Variants in KIF13A observed in about 807,000 individuals in gnomAD.
KIF13A encodes the protein kinesin family member 13A, also known as kinesin-like protein KIF13A.
In KIF13A, 79 loss-of-function variants were observed where a neutral mutation model predicts 212.2. The ratio of observed to expected loss-of-function variants is 0.37; its 90% CI spans 0.31 to 0.45. KIF13A has a LOEUF of 0.45. Among genes scored for constraint, KIF13A ranks in the 20% least tolerant of loss-of-function variants. The pLI is 1.00. For synonymous variants in KIF13A, 789 were observed against 808.6 expected (o/e 0.98, Z 0.41); for missense variants, 1,901 against 2,209.0 (o/e 0.86, Z 2.79).
chr6:17,955,944 T>C (rs1412080534), intron 2 of KIF13A, among the ~76,000 whole-genome samples: 1 of 152,248 alleles, frequency 6.6e-6, no homozygotes, highest in Non-Finnish European at 1.5e-5. Flanking sequence ...ACTGTTATTC[T>C]TGTATACAGG....
At position 17,868,989 on chromosome 6, in the gene KIF13A, CAAAAAAAA is replaced by C. The variant is rs71002278; in HGVS notation, c.220+4380_220+4387del. 9.6e-4 allele frequency among the ~76,000 whole-genome samples: 20 copies of C among 20,916 alleles called. No individual in the cohort carries two copies. In the South Asian group the frequency reaches 0.018, roughly 19 times the overall value. The allele number at this position is 20,916 out of a possible 152,430, so 13.7% of individuals were successfully genotyped here. On this transcript the variant is annotated intron_variant, in intron 4 of 38. Coordinates refer to ENST00000259711, the MANE Select transcript of KIF13A (RefSeq NM_022113.6). Reference sequence around the variant, plus strand: ...TGGGCGACAGAGGGAGACTCCCTCTCAAAAAAAAAAAAAAAAAAAAAAAAAAAAAAACA... The same window carrying C: ...TGGGCGACAGAGGGAGACTCCCTCTCAAAAAAAAAAAAAAAAAAAAAAACA...
rs58260092 is a variant in KIF13A, at chr6:17,816,169, T to C, written c.2000+851A>G. 0.042 allele frequency among the ~76,000 whole-genome samples: 6,407 copies of C among 151,982 alleles called. 341 individuals carry two copies. The highest frequency in any genetic ancestry group is 0.12 in the African/African-American group (5,001 of 41,408). On this transcript the variant is annotated intron_variant, in intron 17 of 38. Coordinates refer to ENST00000259711, the MANE Select transcript of KIF13A (RefSeq NM_022113.6). This position sits in a 1 kb window ranked among gnomAD's most constrained non-coding sequence, Gnocchi z 4.3. The stretch of plus-strand genomic sequence containing the variant: ...CCTGACCTCAGGCGATCCGCTGCCT[T>C]GGCCTCCCAAAGTGCTGGGATTACA...
chr6:17,789,959 C>T lies in KIF13A; in HGVS notation c.3223-49G>A, dbSNP rs6906924. The T allele has an allele frequency of 8.7e-3, 12,632 of 1,448,316 alleles. 916 individuals are homozygous for T. In the African/African-American group the frequency reaches 0.15, roughly 18 times the overall value. The allele number at this position is 1,448,316 out of a possible 1,614,324, so 89.7% of individuals were successfully genotyped here. On this transcript the variant is annotated intron_variant, in intron 25 of 38. Transcript: ENST00000259711. This position sits in a 1 kb window ranked among gnomAD's most constrained non-coding sequence, Gnocchi z 4.8. ...AGGACAAGCATTTTGTTTTTCAAAC[C>T]ACATACAGGGAAAATAATTATTTAA...
Position 17,773,641 on chromosome 6 carries a change from G to T in KIF13A, c.4219-58C>A. ...GAATCACTCCAAAATAAGAAATAAAGCCCAGGTTGGAGTTTCTTCTGTTTT... is the reference window on the plus strand; with the variant it reads ...GAATCACTCCAAAATAAGAAATAAATCCCAGGTTGGAGTTTCTTCTGTTTT... On this transcript the variant is annotated intron_variant, in intron 35 of 38. Coordinates refer to ENST00000259711, the MANE Select transcript of KIF13A (RefSeq NM_022113.6). This position sits in a 1 kb window ranked among gnomAD's most constrained non-coding sequence, Gnocchi z 4.2. 2 of 956,610 alleles carry T rather than the reference G, an allele frequency of 2.1e-6. No individual in the cohort carries two copies. 59.3% of individuals were successfully genotyped at this position (956,610 alleles called of 1,614,324 possible).
chr6:17,976,803 A>C (rs1439855499), intron 2 of KIF13A, among the ~76,000 whole-genome samples: 2 of 142,974 alleles, frequency 1.4e-5, no homozygotes, highest in Non-Finnish European at 3.0e-5. Flanking sequence ...CTCCATCTCA[A>C]AAAAAAAAAA....
rs1170686785 is a variant in KIF13A at position 17,843,379 on chromosome 6, G to A, written c.831-5796C>T. 6.6e-6 allele frequency among the ~76,000 whole-genome samples: 1 copy of A among 152,112 alleles called. No homozygotes were observed. The highest frequency in any genetic ancestry group is 1.5e-5 in the Non-Finnish European group (1 of 68,046). On this transcript the variant is annotated intron_variant, in intron 9 of 38. Transcript: ENST00000259711. This position sits in a 1 kb window ranked among gnomAD's most constrained non-coding sequence, Gnocchi z 5.3. ...TCCAAAGTCCTCTCTGCAGCTTCGG[G>A]TAGCCATTAAACACAGTTCTGGCCA...
chr6:17,775,099 A>G, intron 34 of KIF13A, 37 bp from the exon 35 acceptor site: 1 of 1,535,652 alleles, frequency 6.5e-7, no homozygotes, highest in Non-Finnish European at 8.9e-7. Flanking sequence ...TGTGGTTTAT[A>G]TATTTAATAT....
intron 2 of KIF13A, among the ~76,000 whole-genome samples, chr6:17,903,646 G>C (rs115888205): frequency 1.4e-3 from 207 of 152,292 alleles, no homozygotes; most frequent in Non-Finnish European, 2.4e-3. Context: ...CACAGGGATG[G>C]GGATGTGGTG....
intron 3 of KIF13A, among the ~76,000 whole-genome samples, chr6:17,887,976 G>GA (rs1290893932): frequency 6.6e-6 from 1 of 151,882 alleles, no homozygotes; most frequent in Admixed American, 6.6e-5. Context: ...AAAGTGCTAG[G>GA]ATTACAGGTG....
At position 17,777,719 on chromosome 6, in the gene KIF13A, A is replaced by T. The variant is rs1453169107; in HGVS notation, c.4093-365T>A. Among the ~76,000 whole-genome samples the T allele has an allele frequency of 1.3e-5, 2 of 151,242 alleles. No individual in the cohort carries two copies. Among genetic ancestry groups the T allele is most frequent in the Admixed American group, 1.3e-4 (2 of 15,266 alleles). On this transcript the variant is annotated intron_variant, in intron 33 of 38. Transcript: ENST00000259711. The surrounding 1 kb of genome is among the most constrained non-coding windows in gnomAD (Gnocchi z 4.4). Reference sequence around the variant, plus strand: ...TTTTTATTCTAATTATAAAAGTAACATATGTTTATTTATAGATTTAAATAT... The same window carrying T: ...TTTTTATTCTAATTATAAAAGTAACTTATGTTTATTTATAGATTTAAATAT...
intron 2 of KIF13A, 93 bp downstream of exon 2, chr6:17,986,961 C>T: frequency 1.1e-6 from 1 of 891,954 alleles, no homozygotes. Context: ...GTCCTCCTAA[C>T]AATAGGAAAG....
chr6:17,822,026 A>AG, intron 16 of KIF13A: 1 of 804,920 alleles, frequency 1.2e-6, no homozygotes, highest in Non-Finnish European at 1.8e-6. Flanking sequence ...AGGATGGGGT[A>AG]GGGGGAAACA....
chr6:17,976,355 C>G (rs897276970), intron 2 of KIF13A, among the ~76,000 whole-genome samples: 1 of 152,222 alleles, frequency 6.6e-6, no homozygotes, highest in Non-Finnish European at 1.5e-5. Context: ...TAAGGCCCGG[C>G]GAGAAATCGA....
chr6:17,849,302 C>T lies in KIF13A; in HGVS notation c.830+75G>A, dbSNP rs954536417. 7.9e-6 allele frequency: 8 copies of T among 1,010,974 alleles called. No individual in the cohort carries two copies. In the African/African-American group the frequency reaches 1.3e-4, roughly 16 times the overall value. The allele number at this position is 1,010,974 out of a possible 1,614,324, so 62.6% of individuals were successfully genotyped here. On this transcript the variant is annotated intron_variant, in intron 9 of 38. Transcript: ENST00000259711. The surrounding 1 kb of genome is among the most constrained non-coding windows in gnomAD (Gnocchi z 5.7). ...CTTTAAACAACCTGTACATCAGAACCATCTGACCCTCATAATGCAACAAAT... is the reference window on the plus strand; with the variant it reads ...CTTTAAACAACCTGTACATCAGAACTATCTGACCCTCATAATGCAACAAAT...
intron 2 of KIF13A, among the ~76,000 whole-genome samples, chr6:17,958,876 C>CTTTTTTTTTTTTTTT (rs398000716): frequency 2.4e-5 from 2 of 83,082 alleles, no homozygotes; most frequent in African/African-American, 4.7e-5. Context: ...TTTTCTTTTT[C>CTTTTTTTTTTTTTTT]TTTTTTTTTT....
At chr6:17,986,960 A>G in intron 2 of KIF13A, 94 bp downstream of exon 2, 1 of 870,976 alleles carries the variant, frequency 1.1e-6, no homozygotes, top group Non-Finnish European at 1.9e-6. Flanking sequence ...CGTCCTCCTA[A>G]CAATAGGAAA....
At chr6:17,927,404 CA>C (rs1382105767) in intron 2 of KIF13A, among the ~76,000 whole-genome samples, 1 of 152,018 alleles carries the variant, frequency 6.6e-6, no homozygotes, top group African/African-American at 2.4e-5. Flanking sequence ...ATAAGACAGA[CA>C]CAAAAGGATA....
chr6:17,824,693 G>C (rs1186839855), intron 16 of KIF13A, among the ~76,000 whole-genome samples: 3 of 149,738 alleles, frequency 2.0e-5, no homozygotes, highest in African/African-American at 7.4e-5. Flanking sequence ...CCTGGGAGGT[G>C]GAGCTTGCAG....
At chr6:17,761,668 C>T (rs1223047346), downstream of KIF13A, among the ~76,000 whole-genome samples, 3 of 152,112 alleles carry the variant, frequency 2.0e-5, no homozygotes, top group African/African-American at 7.2e-5. Flanking sequence ...CAGGTGTGAG[C>T]CACTGCGCTC....
Sources: allele counts gnomAD v4.1 joint callset (sites outside exome capture counted in the v4.1 genomes callset), GRCh38; gene constraint gnomAD v4.1.1; non-coding constraint Gnocchi (gnomAD v3.1); transcripts MANE v1.5; gene names NCBI Gene and HGNC (gene_info 2026-07-23, HGNC 2026-07-21).